SDCCAG8: variants seen among roughly 807,000 people sequenced by gnomAD.
The protein encoded by SDCCAG8 is serologically defined colon cancer antigen 8.
SDCCAG8 carries 74 observed loss-of-function variants against 101.8 expected under a neutral mutation model. The observed-to-expected ratio is 0.73, with a 90% confidence interval of 0.60 to 0.88. SDCCAG8 has a LOEUF of 0.88. Among genes scored for constraint, SDCCAG8 ranks in the 40% least tolerant of loss-of-function variants. The probability of loss-of-function intolerance (pLI) is 0.00; values close to 1 mark genes in which losing one functional copy is unlikely to be tolerated. For missense variants in SDCCAG8, 787 were observed against 822.6 expected, an observed-to-expected ratio of 0.96 and a Z score of 0.53; for synonymous variants, 281 against 292.9, an observed-to-expected ratio of 0.96 and a Z score of 0.41.
intron 16 of SDCCAG8, among the ~76,000 whole-genome samples, chr1:243,484,190 A>G (rs563680357): frequency 6.6e-6 from 1 of 152,376 alleles, no homozygotes; most frequent in South Asian, 2.1e-4. Flanking sequence ...TGCAGGACGA[A>G]GTCCATATTT....
Position 243,265,900 on chromosome 1 carries a change from A to AT in SDCCAG8, c.68-4197dup, listed in dbSNP as rs1010632372. ...TTTTAACTATGCAAATTCTTTCCAT[A>AT]TTTTTTTTCTTTTTCCTAATATAGT... On this transcript the variant is annotated intron_variant, in intron 1 of 17. Coordinates refer to ENST00000366541, the MANE Select transcript of SDCCAG8 (RefSeq NM_006642.5). Among the ~76,000 whole-genome samples the AT allele has an allele frequency of 3.0e-4, 45 of 151,752 alleles. No individual in the cohort carries two copies. In the East Asian group the frequency reaches 5.6e-3, roughly 19 times the overall value.
Position 243,287,754 on chromosome 1 carries a change from C to T in SDCCAG8, c.546+1357C>T, listed in dbSNP as rs143794961. On this transcript the variant is annotated intron_variant, in intron 5 of 17. Transcript: ENST00000366541. Reference sequence around the variant, plus strand: ...TATTCATTTGCTTTTCTTCCAAACACGTGGTCACTTAGCAAGCAGTGATTC... The same window carrying T: ...TATTCATTTGCTTTTCTTCCAAACATGTGGTCACTTAGCAAGCAGTGATTC... Among the ~76,000 whole-genome samples, 219 of 152,244 alleles carry T rather than the reference C, an allele frequency of 1.4e-3. 1 individual carries two copies. Among genetic ancestry groups the T allele is most frequent in the African/African-American group, 5.0e-3 (207 of 41,532 alleles).
chr1:243,413,315 G>T (rs2080315186), intron 13 of SDCCAG8, among the ~76,000 whole-genome samples: 1 of 152,024 alleles, frequency 6.6e-6, no homozygotes, highest in Non-Finnish European at 1.5e-5. Context: ...AAGTGATTCT[G>T]ATGCCTCAGC....
chr1:243,379,179 T>C (rs1558383562), intron 13 of SDCCAG8, among the ~76,000 whole-genome samples: 1 of 152,174 alleles, frequency 6.6e-6, no homozygotes, highest in Non-Finnish European at 1.5e-5. Flanking sequence ...CTACGTCTAA[T>C]AAAAATCTTG....
intron 8 of SDCCAG8, among the ~76,000 whole-genome samples, chr1:243,312,721 A>C (rs999545593): frequency 1.3e-5 from 2 of 151,820 alleles, no homozygotes; most frequent in African/African-American, 4.8e-5. Flanking sequence ...AAAAAAAAAA[A>C]AAAATAATGG....
chr1:243,331,823 A>C (rs2074616603), intron 10 of SDCCAG8, among the ~76,000 whole-genome samples: 1 of 152,180 alleles, frequency 6.6e-6, no homozygotes, highest in Non-Finnish European at 1.5e-5. Flanking sequence ...AGGGGCTGGG[A>C]ATGTTGTAGT....
At chr1:243,488,872 C>A in intron 16 of SDCCAG8, 142 bp from the exon 17 acceptor site, 1 of 1,136,664 alleles carries the variant, frequency 8.8e-7, no homozygotes, top group Non-Finnish European at 1.3e-6. Flanking sequence ...CTAGTGCCAG[C>A]CAGAGCCTGG....
intron 9 of SDCCAG8, among the ~76,000 whole-genome samples, chr1:243,328,429 C>T (rs937740829): frequency 5.9e-5 from 9 of 152,122 alleles, no homozygotes. Flanking sequence ...CAGGCACGCA[C>T]CACCTGGCTC....
At chr1:243,262,068 C>A (rs1490320349) in intron 1 of SDCCAG8, among the ~76,000 whole-genome samples, 1 of 151,558 alleles carries the variant, frequency 6.6e-6, no homozygotes, top group Non-Finnish European at 1.5e-5. Context: ...CCTTGGCCTC[C>A]CAAAGTGCTG....
At chr1:243,471,904 G>C (rs1661349882) in intron 16 of SDCCAG8, among the ~76,000 whole-genome samples, 1 of 152,148 alleles carries the variant, frequency 6.6e-6, no homozygotes, top group African/African-American at 2.4e-5. Flanking sequence ...AATACTGTAT[G>C]AATATACTGT....
chr1:243,381,070 C>T (rs551379643), intron 13 of SDCCAG8, among the ~76,000 whole-genome samples: 17 of 138,526 alleles, frequency 1.2e-4, no homozygotes, highest in African/African-American at 2.1e-4. Flanking sequence ...ATAACTCCCA[C>T]GCAGATAACA....
intron 7 of SDCCAG8, chr1:243,306,290 ATTTTAT>A (rs2072123116): frequency 6.6e-6 from 1 of 151,874 alleles, no homozygotes; most frequent in African/African-American, 2.4e-5. Flanking sequence ...GTCCTATTTT[ATTTTAT>A]TTTGATTTTA....
At chr1:243,425,751 T>C (rs149031208) in intron 15 of SDCCAG8, among the ~76,000 whole-genome samples, 1 of 152,292 alleles carries the variant, frequency 6.6e-6, no homozygotes, top group Non-Finnish European at 1.5e-5. Flanking sequence ...TGGATTGTCA[T>C]CTAAGACACG....
At chr1:243,422,303 CTATCT>C (rs1204708945) in intron 15 of SDCCAG8, among the ~76,000 whole-genome samples, 2 of 152,134 alleles carry the variant, frequency 1.3e-5, no homozygotes, top group Non-Finnish European at 2.9e-5. Flanking sequence ...TGTTTCACTT[CTATCT>C]TGTTAATTGT....
chr1:243,289,440 C>T (rs1436143728), intron 5 of SDCCAG8, among the ~76,000 whole-genome samples: 1 of 152,166 alleles, frequency 6.6e-6, no homozygotes, highest in Non-Finnish European at 1.5e-5. Context: ...CAGGATCAAT[C>T]CTTTGCATCC....
rs144707520 is a variant in SDCCAG8 at position 243,496,583 on chromosome 1, C to T, written c.2113-3173C>T. On this transcript the variant is annotated intron_variant, in intron 17 of 17. Coordinates refer to ENST00000366541, the MANE Select transcript of SDCCAG8 (RefSeq NM_006642.5). ...GGGTTGTTACCTTCAGAAGGGTTGGCTAGAGCCACCCACGGAGACAGTGAA... is the reference window on the plus strand; with the variant it reads ...GGGTTGTTACCTTCAGAAGGGTTGGTTAGAGCCACCCACGGAGACAGTGAA... Among the ~76,000 whole-genome samples, 295 of 152,340 alleles carry T rather than the reference C, an allele frequency of 1.9e-3. 1 individual carries two copies. Among genetic ancestry groups the T allele is most frequent in the Middle Eastern group, 0.01 (3 of 294 alleles).
intron 17 of SDCCAG8, among the ~76,000 whole-genome samples, chr1:243,496,326 A>T (rs748767839): frequency 6.6e-6 from 1 of 152,166 alleles, no homozygotes; most frequent in Non-Finnish European, 1.5e-5. Context: ...GGTGCCCAGA[A>T]CACGAGGCGG....
intron 16 of SDCCAG8, among the ~76,000 whole-genome samples, chr1:243,441,278 A>G (rs983328494): frequency 6.6e-6 from 1 of 152,206 alleles, no homozygotes; most frequent in Non-Finnish European, 1.5e-5. Context: ...AGTCCTCTGC[A>G]AATGTGGGTA....
At chr1:243,351,467 T>G (rs2076079345) in intron 12 of SDCCAG8, among the ~76,000 whole-genome samples, 1 of 152,218 alleles carries the variant, frequency 6.6e-6, no homozygotes, top group African/African-American at 2.4e-5. Flanking sequence ...TATCGACAAG[T>G]GCAAATTAAT....
Sources: gnomAD v4.1 joint callset for allele counts (sites outside exome capture counted in the v4.1 genomes callset) on GRCh38, gnomAD v4.1.1 for gene constraint, MANE v1.5 for transcripts, NCBI Gene and HGNC (gene_info 2026-07-23, HGNC 2026-07-21) for gene names.